PAQR5: variants seen among roughly 807,000 people sequenced by gnomAD.
The protein encoded by PAQR5 is membrane progestin receptor gamma.
A neutral mutation model predicts 34.5 loss-of-function variants in PAQR5; 20 were observed. The ratio of observed to expected loss-of-function variants is 0.58; its 90% CI spans 0.41 to 0.84. The LOEUF is 0.84. Ranked by LOEUF, PAQR5 falls within the 40% of genes least tolerant of loss-of-function variation. The pLI, the probability that PAQR5 is intolerant of heterozygous loss-of-function variation, is 0.00. For synonymous variants in PAQR5, 131 were observed against 155.6 expected, an observed-to-expected ratio of 0.84 and a Z score of 1.18; for missense variants, 378 against 412.7, an observed-to-expected ratio of 0.92 and a Z score of 0.73.
intron 4 of PAQR5, chr15:69,383,000 A>G (rs1165573848): frequency 6.6e-6 from 1 of 151,794 alleles, no homozygotes; most frequent in African/African-American, 2.4e-5. Context: ...CCCTGGAAGC[A>G]TGCAAGCTGA....
At chr15:69,303,104 T>G (rs896297301) in intron 1 of PAQR5, among the ~76,000 whole-genome samples, 1 of 152,162 alleles carries the variant, frequency 6.6e-6, no homozygotes, top group African/African-American at 2.4e-5. Context: ...CAGAGTGTAG[T>G]AGGTGCTCAG....
chr15:69,305,434 G>A (rs1272276896), intron 1 of PAQR5, among the ~76,000 whole-genome samples: 1 of 152,036 alleles, frequency 6.6e-6, no homozygotes, highest in African/African-American at 2.4e-5. Flanking sequence ...TGGGTGGAGG[G>A]GCCCCTTGGA....
Position 69,397,573 on chromosome 15 carries a change from T to C in PAQR5, c.609+9T>C, listed in dbSNP as rs1329006652. On this transcript the variant is annotated intron_variant, in intron 7 of 8. Transcript: ENST00000395407. ...TCCCCATCTTCTACAGGGTAAGGAC[T>C]GGCTGCATCTCCTCTCTGCCTGTTG... is the stretch of plus-strand genomic sequence containing the variant. The C allele has an allele frequency of 6.5e-7, 1 of 1,537,764 alleles. No individual in the cohort carries two copies. The highest frequency in any genetic ancestry group is 9.0e-7 in the Non-Finnish European group (1 of 1,110,256).
chr15:69,399,695 C>T (rs767639979), intron 7 of PAQR5, among the ~76,000 whole-genome samples: 12 of 152,104 alleles, frequency 7.9e-5, no homozygotes, highest in Non-Finnish European at 1.3e-4. Flanking sequence ...GTAAATAAAC[C>T]AAAAGACTCT....
At chr15:69,397,621 T>C (rs980569328) in intron 7 of PAQR5, 57 bp downstream of exon 7, 108 of 1,144,706 alleles carry the variant, frequency 9.4e-5, no homozygotes, top group Admixed American at 6.4e-4. Context: ...AGTCAGTTGT[T>C]TTCCTGAGCT....
At chr15:69,339,841 T>C (rs1476241915) in intron 2 of PAQR5, among the ~76,000 whole-genome samples, 1 of 152,166 alleles carries the variant, frequency 6.6e-6, no homozygotes, top group African/African-American at 2.4e-5. Flanking sequence ...TGGCTCTTCG[T>C]AATCAATACA....
chr15:69,346,530 G>A (rs2060258188), intron 2 of PAQR5, among the ~76,000 whole-genome samples: 2 of 151,076 alleles, frequency 1.3e-5, no homozygotes, highest in African/African-American at 4.9e-5. Context: ...AAACTTTTGG[G>A]CTCAAGTGAT....
intron 6 of PAQR5, chr15:69,391,751 T>C (rs922084682): frequency 4.4e-6 from 2 of 452,474 alleles, no homozygotes. Flanking sequence ...GCTTCGTGAG[T>C]GTGGAAGAAA....
At chr15:69,391,830 G>A (rs895851477) in intron 6 of PAQR5, 5 of 393,368 alleles carry the variant, frequency 1.3e-5, no homozygotes, top group Non-Finnish European at 2.5e-5. Context: ...CGCCAGGTGG[G>A]TGGATCACCT....
Position 69,389,710 on chromosome 15 carries a change from T to G in PAQR5, c.442T>G (p.Phe148Val), listed in dbSNP as rs1478314370. 1 of 1,614,074 alleles carries G rather than the reference T, an allele frequency of 6.2e-7. No homozygotes were observed. Among genetic ancestry groups the G allele is most frequent in the Admixed American group, 1.7e-5 (1 of 60,004 alleles). Residue 148 changes from phenylalanine (F) to valine (V), a missense_variant, in exon 6 of 9, where the codon TTC becomes GTC. By Grantham distance (50) the Phe-to-Val change is conservative (BLOSUM62 -1). Coordinates refer to ENST00000395407, the MANE Select transcript of PAQR5 (RefSeq NM_017705.4). ...CCCGGATGCGCTCATGTGCACCACT[T>G]TCCATGACTACTACGTGGCCCTGGC... is the stretch of plus-strand genomic sequence containing the variant. ...TFPDALMCTT[F>V]HDYYVALAVL...
At chr15:69,349,590 G>A (rs745930143) in intron 2 of PAQR5, among the ~76,000 whole-genome samples, 81 of 151,932 alleles carry the variant, frequency 5.3e-4, no homozygotes, top group Non-Finnish European at 1.1e-3. Context: ...ATCAAAACAT[G>A]GGCCACTATT....
chr15:69,327,156 T>TTTATTATCA (rs1555414337), intron 1 of PAQR5, among the ~76,000 whole-genome samples: 98 of 151,534 alleles, frequency 6.5e-4, no homozygotes, highest in African/African-American at 2.3e-3. Flanking sequence ...GGCTAATTTC[T>TTTATTATCA]TTATTATTAT....
At chr15:69,380,189 T>C (rs2055844335) in intron 4 of PAQR5, 179 bp downstream of exon 4, 1 of 659,458 alleles carries the variant, frequency 1.5e-6, no homozygotes, top group East Asian at 2.6e-5. Context: ...GGTGTGCCAC[T>C]GGGATGACCT....
In PAQR5 at chr15:69,355,364, CTT is replaced by C. The variant is rs1233549349; in HGVS notation, c.-115-4600_-115-4599del. Among the ~76,000 whole-genome samples the C allele has an allele frequency of 9.4e-5, 5 of 53,474 alleles. No individual in the cohort carries two copies. The East Asian group carries it at 1.7e-3, about 18-fold the overall frequency. 35.1% of individuals were successfully genotyped at this position (53,474 alleles called of 152,430 possible). A position where few individuals can be genotyped will look rare whatever the true frequency, so the allele number is the denominator to read the frequency against. ...TCTTTTTTTCTTTCTTTCTTTCTTT[CTT>C]TCTTTCTTTCTTTCTTTCTTTCTCT... On this transcript the variant is annotated intron_variant, in intron 2 of 8. Transcript: ENST00000395407.
At position 69,325,020 on chromosome 15, in the gene PAQR5, T is replaced by C. The variant is rs530258346; in HGVS notation, c.-276-12321T>C. 2.6e-5 allele frequency among the ~76,000 whole-genome samples: 4 copies of C among 151,754 alleles called. No homozygotes were observed. In the East Asian group the frequency reaches 7.9e-4, roughly 30 times the overall value. ...CTCAAGTGATTCTCCTGCTTCAGCC[T>C]CCCAAATAGCTGGGACTGCAGGTGC... On this transcript the variant is annotated intron_variant, in intron 1 of 8. Transcript: ENST00000395407.
intron 1 of PAQR5, among the ~76,000 whole-genome samples, chr15:69,304,653 C>T (rs1311480512): frequency 9.8e-5 from 15 of 152,308 alleles, no homozygotes; most frequent in Non-Finnish European, 1.2e-4. Context: ...TCAGCCAGGA[C>T]CACCCCCAGC....
At chr15:69,332,268 T>C (rs2054397665) in intron 1 of PAQR5, among the ~76,000 whole-genome samples, 1 of 152,236 alleles carries the variant, frequency 6.6e-6, no homozygotes, top group Admixed American at 6.5e-5. Context: ...TTAGGACCCC[T>C]ATAAGCCCGC....
chr15:69,349,366 C>A (rs1200784107), intron 2 of PAQR5, among the ~76,000 whole-genome samples: 3 of 152,114 alleles, frequency 2.0e-5, no homozygotes, highest in Non-Finnish European at 4.4e-5. Context: ...CAAAATGTGA[C>A]CCACGAGGAG....
intron 5 of PAQR5, among the ~76,000 whole-genome samples, chr15:69,386,254 ACAC>A (rs1293686623): frequency 6.6e-6 from 1 of 151,366 alleles, no homozygotes; most frequent in Non-Finnish European, 1.5e-5. Context: ...CACCACACAC[ACAC>A]ATCACACACA....
Sources: allele counts gnomAD v4.1 joint callset (sites outside exome capture counted in the v4.1 genomes callset), GRCh38; gene constraint gnomAD v4.1.1; transcripts MANE v1.5; gene names NCBI Gene and HGNC (gene_info 2026-07-23, HGNC 2026-07-21).